PRKCA: variants seen among roughly 807,000 people sequenced by gnomAD.
PRKCA encodes the protein protein kinase C alpha, also known as protein kinase C alpha type.
A neutral mutation model predicts 87.0 loss-of-function variants in PRKCA; 27 were observed. The ratio of observed to expected loss-of-function variants is 0.31; its 90% CI spans 0.23 to 0.43. PRKCA has a LOEUF of 0.43. Ranked by LOEUF, PRKCA falls within the 20% of genes least tolerant of loss-of-function variation. The pLI, the probability that PRKCA is intolerant of heterozygous loss-of-function variation, is 1.00. For missense variants in PRKCA, 518 were observed against 852.3 expected, an observed-to-expected ratio of 0.61 and a Z score of 4.88; for synonymous variants, 329 against 311.1, an observed-to-expected ratio of 1.06 and a Z score of -0.61.
intron 14 of PRKCA, chr17:66,777,850 C>A (rs2144347991): frequency 1.0e-6 from 1 of 985,376 alleles, no homozygotes; most frequent in South Asian, 4.7e-5. Flanking sequence ...AATTTCAGAA[C>A]CCAGGTCTGC....
At chr17:66,612,381 CAA>C (rs1200272317) in intron 3 of PRKCA, among the ~76,000 whole-genome samples, 27 of 87,850 alleles carry the variant, frequency 3.1e-4, no homozygotes, top group African/African-American at 7.7e-4. Flanking sequence ...AAATCTGTCT[CAA>C]AAAAAAAAAA....
intron 3 of PRKCA, among the ~76,000 whole-genome samples, chr17:66,585,298 C>T (rs540639347): frequency 9.2e-5 from 14 of 152,286 alleles, no homozygotes; most frequent in South Asian, 2.1e-4. Context: ...ATGTTGAACA[C>T]GCCTGACCCC....
At chr17:66,755,117 A>T (rs2144275374) in intron 13 of PRKCA, among the ~76,000 whole-genome samples, 1 of 152,196 alleles carries the variant, frequency 6.6e-6, no homozygotes, top group South Asian at 2.1e-4. Context: ...CTAAAAAGAG[A>T]TTCATCCCAA....
intron 2 of PRKCA, among the ~76,000 whole-genome samples, chr17:66,390,859 A>C (rs948851502): frequency 6.6e-6 from 1 of 152,062 alleles, no homozygotes. Context: ...GTGCAGACTG[A>C]CCCATCCAAC....
chr17:66,575,354 GGATCACCT>G, intron 3 of PRKCA, among the ~76,000 whole-genome samples: 1 of 152,308 alleles, frequency 6.6e-6, no homozygotes, highest in South Asian at 2.1e-4. Context: ...CGCGGTGGGC[GGATCACCT>G]GAGGTCAAGA....
intron 5 of PRKCA, among the ~76,000 whole-genome samples, chr17:66,650,001 T>C (rs183667781): frequency 9.5e-4 from 144 of 152,276 alleles, no homozygotes; most frequent in African/African-American, 3.4e-3. Context: ...GTGGTGGCTT[T>C]CATGAGAACA....
intron 3 of PRKCA, among the ~76,000 whole-genome samples, chr17:66,624,518 T>A (rs1344112553): frequency 6.6e-6 from 1 of 152,160 alleles, no homozygotes; most frequent in Non-Finnish European, 1.5e-5. Flanking sequence ...ATGAATTATT[T>A]GGCCAGGCGT....
intron 2 of PRKCA, among the ~76,000 whole-genome samples, chr17:66,385,504 G>A (rs1048622669): frequency 6.6e-6 from 1 of 152,172 alleles, no homozygotes; most frequent in South Asian, 2.1e-4. Flanking sequence ...CCATGATTCT[G>A]TCCTCTCTCT....
chr17:66,531,743 G>A (rs1432666319), intron 3 of PRKCA, among the ~76,000 whole-genome samples: 1 of 152,132 alleles, frequency 6.6e-6, no homozygotes, highest in Non-Finnish European at 1.5e-5. Flanking sequence ...GTGTATTATT[G>A]GCAGGCCTCA....
At chr17:66,472,578 G>A (rs1915369578) in intron 2 of PRKCA, among the ~76,000 whole-genome samples, 1 of 152,160 alleles carries the variant, frequency 6.6e-6, no homozygotes, top group African/African-American at 2.4e-5. Context: ...ATGCTCAGTT[G>A]CCAAAATAGA....
At chr17:66,395,286 G>A (rs2143656058) in intron 2 of PRKCA, among the ~76,000 whole-genome samples, 1 of 152,252 alleles carries the variant, frequency 6.6e-6, no homozygotes, top group East Asian at 1.9e-4. Flanking sequence ...TGCAAGATGT[G>A]CAATTTTAAA....
intron 9 of PRKCA, 37 bp from the exon 10 acceptor site, chr17:66,735,452 C>T (rs1457287948): frequency 1.9e-6 from 3 of 1,613,598 alleles, no homozygotes; most frequent in Non-Finnish European, 2.5e-6. Flanking sequence ...AAGATATGTG[C>T]TTACAAGTGT....
At chr17:66,645,661 T>G in intron 5 of PRKCA, 150 bp downstream of exon 5, 1 of 1,178,934 alleles carries the variant, frequency 8.5e-7, no homozygotes, top group East Asian at 2.4e-5. Flanking sequence ...CTCAGAGCCC[T>G]CCAGCCCTCT....
intron 2 of PRKCA, among the ~76,000 whole-genome samples, chr17:66,405,687 A>G (rs1911329611): frequency 6.6e-6 from 1 of 152,230 alleles, no homozygotes; most frequent in South Asian, 2.1e-4. Context: ...AGGGTTTATA[A>G]TCCAATCATT....
chr17:66,509,851 G>A (rs916427017), intron 3 of PRKCA, among the ~76,000 whole-genome samples: 2 of 152,048 alleles, frequency 1.3e-5, no homozygotes, highest in African/African-American at 4.8e-5. Flanking sequence ...CCAATGCCTA[G>A]TATGATCTCT....
chr17:66,767,462 C>T (rs1351391440), intron 13 of PRKCA, among the ~76,000 whole-genome samples: 1 of 152,140 alleles, frequency 6.6e-6, no homozygotes, highest in Non-Finnish European at 1.5e-5. Flanking sequence ...GATTTTCACT[C>T]ACCCAAAGAG....
intron 3 of PRKCA, among the ~76,000 whole-genome samples, chr17:66,522,177 G>A (rs941078331): frequency 6.6e-6 from 1 of 152,284 alleles, no homozygotes; most frequent in South Asian, 2.1e-4. Flanking sequence ...TGTGGACCAG[G>A]AGCCCCGTGG....
chr17:66,711,843 A>G (rs762357999), intron 8 of PRKCA, among the ~76,000 whole-genome samples: 2 of 152,204 alleles, frequency 1.3e-5, no homozygotes, highest in African/African-American at 2.4e-5. Context: ...TAGAACTTGT[A>G]TCTCACCCTG....
intron 2 of PRKCA, among the ~76,000 whole-genome samples, chr17:66,488,620 G>T (rs542318500): frequency 4.6e-5 from 7 of 152,290 alleles, no homozygotes; most frequent in African/African-American, 1.7e-4. Context: ...AGTAGTCTTT[G>T]TTGAAATTAG....
Sources: allele counts gnomAD v4.1 joint callset (sites outside exome capture counted in the v4.1 genomes callset), GRCh38; gene constraint gnomAD v4.1.1; transcripts MANE v1.5; gene names NCBI Gene and HGNC (gene_info 2026-07-23, HGNC 2026-07-21).